The following CAPZA1 variants were observed in gnomAD, a reference collection of about 807,000 sequenced individuals.
CAPZA1 encodes the protein capping actin protein of muscle Z-line subunit alpha 1, also known as F-actin-capping protein subunit alpha-1.
A neutral mutation model predicts 40.8 loss-of-function variants in CAPZA1; 10 were observed. The observed-to-expected ratio is 0.25, with a 90% CI of 0.15 to 0.42. CAPZA1 has a LOEUF of 0.42. CAPZA1 is among the 10% of genes least tolerant of loss of function. The probability of loss-of-function intolerance (pLI) is 1.00; values close to 1 mark genes in which losing one functional copy is unlikely to be tolerated. For synonymous variants in CAPZA1, 98 were observed against 115.0 expected, an observed-to-expected ratio of 0.85 and a Z score of 0.95; for missense variants, 277 against 353.8, an observed-to-expected ratio of 0.78 and a Z score of 1.74.
At chr1:112,636,741 A>C (rs570086817) in intron 1 of CAPZA1, among the ~76,000 whole-genome samples, 2 of 151,796 alleles carry the variant, frequency 1.3e-5, no homozygotes, top group East Asian at 3.9e-4. Flanking sequence ...TCTTTCTTTC[A>C]CTCTCCCACC....
At chr1:112,626,364 C>T (rs897392615) in intron 1 of CAPZA1, 6 of 151,330 alleles carry the variant, frequency 4.0e-5, no homozygotes, top group Non-Finnish European at 8.8e-5. Context: ...GAGGCTAAGC[C>T]GGGACGATCA....
At chr1:112,620,168 G>A (rs1163939119) in intron 1 of CAPZA1, 6 of 340,736 alleles carry the variant, frequency 1.8e-5, no homozygotes, top group African/African-American at 1.3e-4. Flanking sequence ...TCGTGACTGT[G>A]GACTTTTTTC....
At chr1:112,624,023 AAAAAG>A (rs1310101616) in intron 1 of CAPZA1, among the ~76,000 whole-genome samples, 10 of 150,026 alleles carry the variant, frequency 6.7e-5, no homozygotes, top group African/African-American at 2.2e-4. Context: ...AAAAAAAAGA[AAAAAG>A]AAAAGAAAAA....
chr1:112,647,649 CTT>C (rs1369049125), intron 2 of CAPZA1, among the ~76,000 whole-genome samples: 3 of 152,120 alleles, frequency 2.0e-5, no homozygotes, highest in African/African-American at 7.2e-5. Context: ...ATATGGAACA[CTT>C]TTTTGGGCCA....
intron 8 of CAPZA1, 129 bp from the exon 9 acceptor site, chr1:112,669,414 G>T: frequency 1.4e-6 from 1 of 704,020 alleles, no homozygotes. Context: ...GGAGGGTAGT[G>T]GGCATGGGAA....
chr1:112,625,280 A>G (rs1421590938), intron 1 of CAPZA1, among the ~76,000 whole-genome samples: 2 of 152,074 alleles, frequency 1.3e-5, no homozygotes, highest in Non-Finnish European at 2.9e-5. Flanking sequence ...GCAAAGCCTT[A>G]TGGTTACCAA....
At chr1:112,646,703 T>G (rs1671287154) in intron 1 of CAPZA1, 1 of 152,120 alleles carries the variant, frequency 6.6e-6, no homozygotes, top group Admixed American at 6.6e-5. Context: ...AAATTAATAG[T>G]TTTGGTTTTT....
intron 1 of CAPZA1, among the ~76,000 whole-genome samples, chr1:112,638,418 A>G (rs565782566): frequency 6.6e-6 from 1 of 152,008 alleles, no homozygotes; most frequent in African/African-American, 2.4e-5. Flanking sequence ...GGGTTCAAGC[A>G]GTTCTCCTGC....
chr1:112,629,164 AT>A lies in CAPZA1; in HGVS notation c.39+9282del, dbSNP rs1670872535. Among the ~76,000 whole-genome samples the A allele has an allele frequency of 3.3e-5, 5 of 152,260 alleles. No individual in the cohort carries two copies. The South Asian group carries it at 8.3e-4, about 25-fold the overall frequency. The stretch of plus-strand genomic sequence containing the variant: ...CTCTTTGCCATTTATCTCTGACTTT[AT>A]CTCCTACATGTTCTTCTTCTGGTCT... On this transcript the variant is annotated intron_variant, in intron 1 of 9. Transcript: ENST00000263168.
intron 1 of CAPZA1, among the ~76,000 whole-genome samples, chr1:112,641,862 C>T (rs2101156047): frequency 7.0e-6 from 1 of 143,092 alleles, no homozygotes; most frequent in East Asian, 2.0e-4. Flanking sequence ...GCACTCCAGC[C>T]TGGGTGACAG....
At chr1:112,649,360 C>A in intron 2 of CAPZA1, 58 bp from the exon 3 acceptor site, 2 of 1,287,718 alleles carry the variant, frequency 1.6e-6, no homozygotes, top group South Asian at 1.2e-5. Flanking sequence ...ATCTAGAAAT[C>A]TGCTAAAATT....
intron 8 of CAPZA1, 123 bp from the exon 9 acceptor site, chr1:112,669,420 G>A: frequency 1.4e-6 from 1 of 726,676 alleles, no homozygotes; most frequent in Non-Finnish European, 2.5e-6. Flanking sequence ...TAGTGGGCAT[G>A]GGAACACTTG....
At chr1:112,650,663 C>T (rs1396821251) in intron 3 of CAPZA1, among the ~76,000 whole-genome samples, 1 of 152,194 alleles carries the variant, frequency 6.6e-6, no homozygotes, top group Non-Finnish European at 1.5e-5. Flanking sequence ...CCATATTGGT[C>T]CCAGTTTTAT....
At chr1:112,651,765 T>C (rs1671391219) in intron 3 of CAPZA1, among the ~76,000 whole-genome samples, 1 of 152,112 alleles carries the variant, frequency 6.6e-6, no homozygotes, top group East Asian at 1.9e-4. Context: ...GAAGAGCTAA[T>C]GTGTTTGGGA....
intron 7 of CAPZA1, among the ~76,000 whole-genome samples, chr1:112,660,302 G>A (rs1370686595): frequency 6.6e-6 from 1 of 152,078 alleles, no homozygotes; most frequent in Non-Finnish European, 1.5e-5. Flanking sequence ...TTTTTGAGAT[G>A]GAGTTTTGCT....
At chr1:112,635,611 A>G (rs1670998620) in intron 1 of CAPZA1, among the ~76,000 whole-genome samples, 1 of 146,516 alleles carries the variant, frequency 6.8e-6, no homozygotes, top group African/African-American at 2.6e-5. Context: ...TAATTTTTGC[A>G]TTTTTAGCAG....
At chr1:112,630,298 T>C (rs1670894996) in intron 1 of CAPZA1, among the ~76,000 whole-genome samples, 1 of 152,066 alleles carries the variant, frequency 6.6e-6, no homozygotes, top group Non-Finnish European at 1.5e-5. Flanking sequence ...CACTTGGCAC[T>C]CGGCCCTGGC....
intron 3 of CAPZA1, among the ~76,000 whole-genome samples, chr1:112,651,949 G>T (rs763404434): frequency 2.0e-5 from 3 of 151,458 alleles, no homozygotes; most frequent in Non-Finnish European, 4.4e-5. Context: ...GACTCCCCCC[G>T]ATCTCTAAAG....
At chr1:112,630,489 G>A (rs1010977160) in intron 1 of CAPZA1, among the ~76,000 whole-genome samples, 6 of 151,698 alleles carry the variant, frequency 4.0e-5, no homozygotes, top group African/African-American at 1.5e-4. Flanking sequence ...GATTACAGGC[G>A]CCTGTCACCA....
Sources: allele counts gnomAD v4.1 joint callset (sites outside exome capture counted in the v4.1 genomes callset), GRCh38; gene constraint gnomAD v4.1.1; transcripts MANE v1.5; gene names NCBI Gene and HGNC (gene_info 2026-07-23, HGNC 2026-07-21).